The following RSRC1 variants were observed in gnomAD, a reference collection of about 807,000 sequenced individuals.
RSRC1 encodes arginine and serine rich coiled-coil 1, also known as serine/Arginine-related protein 53.
RSRC1 carries 39 observed loss-of-function variants against 49.1 expected under a neutral mutation model. The observed-to-expected ratio is 0.79, with a 90% CI of 0.61 to 1.04. RSRC1 has a LOEUF of 1.04. Ranked by LOEUF, RSRC1 falls within the 50% of genes least tolerant of loss-of-function variation. RSRC1 has a pLI of 0.00. For missense variants in RSRC1, 388 were observed against 402.4 expected, an observed-to-expected ratio of 0.96 and a Z score of 0.31; for synonymous variants, 143 against 130.8, an observed-to-expected ratio of 1.09 and a Z score of -0.63.
intron 6 of RSRC1, among the ~76,000 whole-genome samples, chr3:158,374,216 T>C (rs992237718): frequency 6.6e-6 from 1 of 152,140 alleles, no homozygotes; most frequent in Non-Finnish European, 1.5e-5. Context: ...GTACCCACAA[T>C]TGCAGCTCAT....
chr3:158,445,381 A>C (rs1736644877), intron 6 of RSRC1, among the ~76,000 whole-genome samples: 1 of 152,096 alleles, frequency 6.6e-6, no homozygotes, highest in Admixed American at 6.6e-5. Context: ...GGAAACCATC[A>C]TTCTCAGCAA....
chr3:158,254,139 C>T (rs1420277765), intron 4 of RSRC1, among the ~76,000 whole-genome samples: 1 of 152,156 alleles, frequency 6.6e-6, no homozygotes, highest in Non-Finnish European at 1.5e-5. Context: ...TGTATATGTG[C>T]CACATTTTCT....
At chr3:158,197,982 A>G (rs1348920971) in intron 3 of RSRC1, among the ~76,000 whole-genome samples, 3 of 152,050 alleles carry the variant, frequency 2.0e-5, no homozygotes, top group Non-Finnish European at 2.9e-5. Context: ...TTTGGGGTGG[A>G]GAGTTCTGTA....
intron 7 of RSRC1, among the ~76,000 whole-genome samples, chr3:158,474,154 C>G (rs569835890): frequency 1.3e-5 from 2 of 152,220 alleles, no homozygotes; most frequent in South Asian, 4.1e-4. Context: ...GAAGCCAAAT[C>G]TGGCTTCATG....
intron 5 of RSRC1, among the ~76,000 whole-genome samples, chr3:158,313,187 C>A (rs1225681804): frequency 6.6e-6 from 1 of 152,048 alleles, no homozygotes; most frequent in African/African-American, 2.4e-5. Context: ...CCAGGATGAG[C>A]CCCCGTACTT....
intron 3 of RSRC1, among the ~76,000 whole-genome samples, chr3:158,201,228 G>A (rs1721029968): frequency 6.6e-6 from 1 of 152,046 alleles, no homozygotes; most frequent in African/African-American, 2.4e-5. Context: ...GCAATAATTT[G>A]TATCATTGTT....
intron 3 of RSRC1, among the ~76,000 whole-genome samples, chr3:158,144,119 A>G (rs1716924492): frequency 6.6e-6 from 1 of 152,222 alleles, no homozygotes; most frequent in South Asian, 2.1e-4. Flanking sequence ...CATTTCTTTC[A>G]GAAATAGAAA....
At chr3:158,263,769 TTG>T (rs1463368933) in intron 4 of RSRC1, among the ~76,000 whole-genome samples, 1 of 152,172 alleles carries the variant, frequency 6.6e-6, no homozygotes, top group Non-Finnish European at 1.5e-5. Flanking sequence ...TTTTGATAGT[TTG>T]TGTCTTTCCA....
intron 6 of RSRC1, among the ~76,000 whole-genome samples, chr3:158,372,488 A>G (rs1004134867): frequency 2.5e-4 from 38 of 152,004 alleles, no homozygotes; most frequent in African/African-American, 9.1e-4. Context: ...TGAATTCTCT[A>G]TTCTGTTCCA....
intron 4 of RSRC1, chr3:158,275,721 CT>C: frequency 2.6e-6 from 1 of 384,722 alleles, no homozygotes; most frequent in Non-Finnish European, 4.0e-6. Context: ...AATCTGCAGA[CT>C]AGTTTTAACA....
In RSRC1 at chr3:158,205,822, T is replaced by TA. The variant is rs1004984190; in HGVS notation, c.494+2586dup. On this transcript the variant is annotated intron_variant, in intron 4 of 9. Transcript: ENST00000611884. ...AATACTCTAACGATAGCTGATGAGC[T>TA]AAAAAAAAATCACAAAAATCTCATA... is the stretch of plus-strand genomic sequence containing the variant. Among the ~76,000 whole-genome samples the TA allele has an allele frequency of 1.1e-3, 171 of 151,476 alleles. 1 individual carries two copies. In the Middle Eastern group the frequency reaches 0.014, roughly 12 times the overall value.
chr3:158,487,316 C>A (rs185044309), intron 7 of RSRC1, among the ~76,000 whole-genome samples: 1 of 152,128 alleles, frequency 6.6e-6, no homozygotes, highest in African/African-American at 2.4e-5. Context: ...CCATGATTTC[C>A]GATCAGAATA....
chr3:158,490,526 T>C (rs1380279098), intron 7 of RSRC1, among the ~76,000 whole-genome samples: 1 of 152,248 alleles, frequency 6.6e-6, no homozygotes, highest in East Asian at 1.9e-4. Flanking sequence ...AGTATCATTA[T>C]TTTATTTGTA....
At chr3:158,115,804 A>G (rs1339613142) in intron 1 of RSRC1, among the ~76,000 whole-genome samples, 1 of 152,188 alleles carries the variant, frequency 6.6e-6, no homozygotes, top group African/African-American at 2.4e-5. Flanking sequence ...CTTTACTCAG[A>G]TAAGTGTTTT....
chr3:158,357,809 T>G (rs1316960249), intron 6 of RSRC1, among the ~76,000 whole-genome samples: 3 of 152,120 alleles, frequency 2.0e-5, no homozygotes, highest in South Asian at 2.1e-4. Context: ...TTTGGGGGCC[T>G]TAAAAGTGGC....
chr3:158,513,917 C>T (rs9790094), intron 7 of RSRC1, among the ~76,000 whole-genome samples: 78,540 of 151,868 alleles, frequency 0.52, 20,767 homozygotes, highest in African/African-American at 0.62. Context: ...GAGGTGTTGG[C>T]AGTATTCTCT....
chr3:158,450,561 C>T (rs923974028), intron 6 of RSRC1, among the ~76,000 whole-genome samples: 9 of 151,770 alleles, frequency 5.9e-5, no homozygotes, highest in African/African-American at 1.9e-4. Flanking sequence ...AAGAACTTAA[C>T]GGATTTCACT....
intron 6 of RSRC1, among the ~76,000 whole-genome samples, chr3:158,422,887 T>C (rs1578457113): frequency 6.6e-6 from 1 of 151,948 alleles, no homozygotes; most frequent in African/African-American, 2.4e-5. Flanking sequence ...TTGAGAAGTG[T>C]CTGTTCATGT....
At chr3:158,296,521 A>G (rs1015913648) in intron 4 of RSRC1, among the ~76,000 whole-genome samples, 1 of 152,034 alleles carries the variant, frequency 6.6e-6, no homozygotes, top group Non-Finnish European at 1.5e-5. Flanking sequence ...TTTTTGGTTT[A>G]AATTTTAAGT....
Sources: gnomAD v4.1 joint callset for allele counts (sites outside exome capture counted in the v4.1 genomes callset) on GRCh38, gnomAD v4.1.1 for gene constraint, MANE v1.5 for transcripts, NCBI Gene and HGNC (gene_info 2026-07-23, HGNC 2026-07-21) for gene names.